Variants in NET1 observed in about 807,000 individuals in gnomAD.
NET1 encodes neuroepithelial cell-transforming gene 1 protein.
NET1 carries 42 observed loss-of-function variants against 61.1 expected under a neutral mutation model. The observed-to-expected ratio is 0.69, with a 90% CI of 0.54 to 0.89. The LOEUF (loss-of-function observed/expected upper bound fraction) is 0.89, where lower values mean the gene tolerates loss of function less well. NET1 is among the 40% of genes least tolerant of loss of function. The pLI is 0.00. For synonymous variants in NET1, 254 were observed against 281.8 expected (o/e 0.90, Z 0.99); for missense variants, 654 against 747.3 (o/e 0.88, Z 1.46).
intron 3 of NET1, among the ~76,000 whole-genome samples, chr10:5,442,877 T>TA (rs11377037): frequency 0.96 from 135,752 of 141,728 alleles, 65,083 homozygotes; most frequent in Non-Finnish European, 0.99. Context: ...ACCCTGTCTT[T>TA]AAAAAAAAAA....
Position 5,436,223 on chromosome 10 carries a change from TGC to T in NET1, c.255+6995_255+6996del, listed in dbSNP as rs1437600000. On this transcript the variant is annotated intron_variant, in intron 3 of 11. Transcript: ENST00000355029. ...GTGTGTGTGTGTGTGTGTGTGTGTG[TGC>T]ATATATATATATATATATATATATT... Among the ~76,000 whole-genome samples the T allele has an allele frequency of 9.5e-3, 592 of 62,008 alleles. 12 individuals are homozygous for T. Among genetic ancestry groups the T allele is most frequent in the Non-Finnish European group, 0.012 (377 of 32,416 alleles). 40.7% of individuals were successfully genotyped at this position (62,008 alleles called of 152,430 possible). A position where few individuals can be genotyped will look rare whatever the true frequency, so the allele number is the denominator to read the frequency against.
chr10:5,452,616 C>A lies in NET1; in HGVS notation c.531+91C>A. On this transcript the variant is annotated intron_variant, in intron 5 of 11. Transcript: ENST00000355029. This position sits in a 1 kb window ranked among gnomAD's most constrained non-coding sequence, Gnocchi z 4.0. ...AACTTGGATTTTTGTGTTTGAGCAA[C>A]AATTCCTAATACATGGTGAACAAAA... The A allele has an allele frequency of 7.5e-7, 1 of 1,329,336 alleles. No homozygotes were observed. Among genetic ancestry groups the A allele is most frequent in the Non-Finnish European group, 1.0e-6 (1 of 960,482 alleles). The allele number at this position is 1,329,336 out of a possible 1,614,324, so 82.3% of individuals were successfully genotyped here.
chr10:5,433,189 C>T (rs1264444988), intron 3 of NET1, among the ~76,000 whole-genome samples: 2 of 152,142 alleles, frequency 1.3e-5, no homozygotes. Context: ...AGTCTTAGTT[C>T]TACTGGTAAA....
At position 5,449,722 on chromosome 10, in the gene NET1, A is replaced by G. The variant is rs1034872825; in HGVS notation, c.256-2108A>G. Among the ~76,000 whole-genome samples the G allele has an allele frequency of 2.6e-5, 4 of 152,222 alleles. No homozygotes were observed. The highest frequency in any genetic ancestry group is 9.6e-5 in the African/African-American group (4 of 41,462). On this transcript the variant is annotated intron_variant, in intron 3 of 11. Coordinates refer to ENST00000355029, the MANE Select transcript of NET1 (RefSeq NM_001047160.3). The surrounding 1 kb of genome is among the most constrained non-coding windows in gnomAD (Gnocchi z 4.4). Reference sequence around the variant, plus strand: ...TAAAGATAATAAATTTTTATCATTAATTTGATTTTATGTGATAAAATAGAT... The same window carrying G: ...TAAAGATAATAAATTTTTATCATTAGTTTGATTTTATGTGATAAAATAGAT...
chr10:5,441,620 T>C lies in NET1; in HGVS notation c.256-10210T>C, dbSNP rs1391510215. Among the ~76,000 whole-genome samples, 2 of 152,246 alleles carry C rather than the reference T, an allele frequency of 1.3e-5. No homozygotes were observed. Among genetic ancestry groups the C allele is most frequent in the Admixed American group, 6.5e-5 (1 of 15,286 alleles). On this transcript the variant is annotated intron_variant, in intron 3 of 11. Transcript: ENST00000355029. The surrounding 1 kb of genome is among the most constrained non-coding windows in gnomAD (Gnocchi z 4.6). ...GTGTTGTCATCGCACAAAAGAACCA[T>C]TGTTTTGACAATACCAAACTTATTA...
At position 5,423,655 on chromosome 10, in the gene NET1, G is replaced by A. The variant is rs528935808; in HGVS notation, c.129-3000G>A. 4.5e-4 allele frequency among the ~76,000 whole-genome samples: 68 copies of A among 152,180 alleles called. No homozygotes were observed. Among genetic ancestry groups the A allele is most frequent in the African/African-American group, 1.6e-3 (65 of 41,526 alleles). ...TTGAAAAGGTGGACTGCCACTTTTC[G>A]CTCTACATTTCATCCTTTAAGCCCT... On this transcript the variant is annotated intron_variant, in intron 1 of 11. Coordinates refer to ENST00000355029, the MANE Select transcript of NET1 (RefSeq NM_001047160.3). This position sits in a 1 kb window ranked among gnomAD's most constrained non-coding sequence, Gnocchi z 4.4.
chr10:5,452,838 T>C lies in NET1; in HGVS notation c.532-20T>C. 1 of 1,608,158 alleles carries C rather than the reference T, an allele frequency of 6.2e-7. No individual in the cohort carries two copies. The highest frequency in any genetic ancestry group is 1.3e-5 in the African/African-American group (1 of 74,846). On this transcript the variant is annotated intron_variant, in intron 5 of 11. Coordinates refer to ENST00000355029, the MANE Select transcript of NET1 (RefSeq NM_001047160.3). The surrounding 1 kb of genome is among the most constrained non-coding windows in gnomAD (Gnocchi z 4.0). ...CCTTTCTCGAAGGAATGACCTCTGA[T>C]GTTTGCTGGATGTTTTTAGGCAATA...
chr10:5,450,882 ATAT>A (rs1832692593), intron 3 of NET1, among the ~76,000 whole-genome samples: 1 of 152,218 alleles, frequency 6.6e-6, no homozygotes, highest in Non-Finnish European at 1.5e-5. Context: ...TGTGTTTGCT[ATAT>A]TATTATTTAA....
chr10:5,414,347 T>TA (rs1188606159), intron 1 of NET1, among the ~76,000 whole-genome samples: 6 of 152,330 alleles, frequency 3.9e-5, no homozygotes, highest in Admixed American at 2.0e-4. Flanking sequence ...ATTTGCATTT[T>TA]AAAAGATCAG....
In NET1 at chr10:5,440,173, A is replaced by G. The variant is rs777054727; in HGVS notation, c.255+10944A>G. 1.3e-5 allele frequency among the ~76,000 whole-genome samples: 2 copies of G among 152,262 alleles called. No homozygotes were observed. The highest frequency in any genetic ancestry group is 2.9e-5 in the Non-Finnish European group (2 of 68,044). On this transcript the variant is annotated intron_variant, in intron 3 of 11. Transcript: ENST00000355029. The surrounding 1 kb of genome is among the most constrained non-coding windows in gnomAD (Gnocchi z 4.1). ...AATGTTATTAATACAGTGGGCCTGT[A>G]TGATGTTCTGTGAAATATCCGGTCC... is the stretch of plus-strand genomic sequence containing the variant.
rs4881454 is a variant in NET1, at chr10:5,458,757, A to G, written c.*1763A>G. Among the ~76,000 whole-genome samples the G allele has an allele frequency of 6.5e-3, 986 of 152,296 alleles. 37 individuals carry two copies. The East Asian group carries it at 0.11, about 16-fold the overall frequency. ...GGATCCTGATTAATTTCAGATTTTAATGTAAGTACCTCAGGTTCTTGTCTT... is the reference window on the plus strand; with the variant it reads ...GGATCCTGATTAATTTCAGATTTTAGTGTAAGTACCTCAGGTTCTTGTCTT... On this transcript the variant is annotated 3_prime_UTR_variant, in exon 12 of 12. Coordinates refer to ENST00000355029, the MANE Select transcript of NET1 (RefSeq NM_001047160.3). This position sits in a 1 kb window ranked among gnomAD's most constrained non-coding sequence, Gnocchi z 4.5.
Position 5,455,135 on chromosome 10 carries a change from G to C in NET1, c.1197+17G>C, listed in dbSNP as rs769637903. 3 of 1,611,394 alleles carry C rather than the reference G, an allele frequency of 1.9e-6. No individual in the cohort carries two copies. In the Admixed American group the frequency reaches 5.0e-5, roughly 27 times the overall value. ...AGTGGACATGTAGGTGACTTTTGCT[G>C]CCGTGGCAGAGCAGCCTTCCCTCCT... On this transcript the variant is annotated intron_variant, in intron 10 of 11. Transcript: ENST00000355029. This position sits in a 1 kb window ranked among gnomAD's most constrained non-coding sequence, Gnocchi z 6.5.
rs1832263826 is a variant in NET1 at position 5,426,714 on chromosome 10, T to A, written c.188T>A (p.Phe63Tyr). ...TTAACACCTGGCCCCAACTGGGACT[T>A]CACTTTGGTGAGTAGATACCTGGGT... Reference protein sequence around the residue: ...TFLTPGPNWDFTLKRKRREKD... With the variant: ...TFLTPGPNWDYTLKRKRREKD... The change falls in exon 2 of 12, where the codon TTC becomes TAC. Residue 63 changes from phenylalanine to tyrosine, a missense_variant. Physicochemically the swap from Phe to Tyr is conservative, Grantham distance 22 (BLOSUM62 3). Transcript: ENST00000355029. The surrounding 1 kb of genome is among the most constrained non-coding windows in gnomAD (Gnocchi z 4.6). The A allele has an allele frequency of 8.7e-6, 14 of 1,601,890 alleles. No homozygotes were observed. Among genetic ancestry groups the A allele is most frequent in the Non-Finnish European group, 1.2e-5 (14 of 1,175,152 alleles).
rs1832701946 is a variant in NET1 at position 5,451,501 on chromosome 10, GGC to G, written c.256-328_256-327del. 1.3e-5 allele frequency among the ~76,000 whole-genome samples: 1 copy of G among 77,788 alleles called. No individual in the cohort carries two copies. Among genetic ancestry groups the G allele is most frequent in the South Asian group, 3.7e-4 (1 of 2,718 alleles). 51.0% of individuals were successfully genotyped at this position (77,788 alleles called of 152,430 possible). On this transcript the variant is annotated intron_variant, in intron 3 of 11. Transcript: ENST00000355029. This position sits in a 1 kb window ranked among gnomAD's most constrained non-coding sequence, Gnocchi z 6.1. ...TGTTCGAAAATTTTCATAACAATAA[GGC>G]TTTTTTTTAAAAAAAAAAAAAGTTA...
At chr10:5,450,060 C>T (rs1010285522) in intron 3 of NET1, among the ~76,000 whole-genome samples, 2 of 108,122 alleles carry the variant, frequency 1.8e-5, no homozygotes, top group South Asian at 2.6e-4. Flanking sequence ...CCTGCACACG[C>T]GTGTGTCAGT....
rs1832281125 is a variant in NET1, at chr10:5,427,824, T to C, written c.195+1103T>C. Among the ~76,000 whole-genome samples the C allele has an allele frequency of 6.6e-6, 1 of 152,218 alleles. No homozygotes were observed. The highest frequency in any genetic ancestry group is 1.5e-5 in the Non-Finnish European group (1 of 68,040). On this transcript the variant is annotated intron_variant, in intron 2 of 11. Coordinates refer to ENST00000355029, the MANE Select transcript of NET1 (RefSeq NM_001047160.3). The surrounding 1 kb of genome is among the most constrained non-coding windows in gnomAD (Gnocchi z 4.1). ...AGGGGATAGATTCTGTTCCTTGTTT[T>C]CTTTTTTCATAGAATGATATTGTGT...
At position 5,453,327 on chromosome 10, in the gene NET1, T is replaced by C. The variant is rs1832738949; in HGVS notation, c.672T>C (p.Ser224=). Residue 224 remains serine, a synonymous_variant, in exon 7 of 12, where the codon TCT becomes TCC. Transcript: ENST00000355029. This position sits in a 1 kb window ranked among gnomAD's most constrained non-coding sequence, Gnocchi z 4.9. ...ELTHIFGDLD[S]YIPLHEDLLT... is the part of the protein sequence containing the mutation. ...CACATATATTTGGTGATCTGGACTC[T>C]TACATACCTCTGCATGAAGGTTAGA... 2 of 1,610,870 alleles carry C rather than the reference T, an allele frequency of 1.2e-6. No individual in the cohort carries two copies. Among genetic ancestry groups the C allele is most frequent in the South Asian group, 2.2e-5 (2 of 91,016 alleles).
chr10:5,419,174 A>G (rs903271947), intron 1 of NET1, among the ~76,000 whole-genome samples: 1 of 151,996 alleles, frequency 6.6e-6, no homozygotes, highest in Non-Finnish European at 1.5e-5. Context: ...ATTTTGTTTG[A>G]TGTTAATATA....
chr10:5,419,450 G>A (rs959159509), intron 1 of NET1, among the ~76,000 whole-genome samples: 1 of 152,042 alleles, frequency 6.6e-6, no homozygotes, highest in African/African-American at 2.4e-5. Context: ...ATTTTGTCGT[G>A]TTATATATGT....
Sources: allele counts gnomAD v4.1 joint callset (sites outside exome capture counted in the v4.1 genomes callset), GRCh38; gene constraint gnomAD v4.1.1; non-coding constraint Gnocchi (gnomAD v3.1); transcripts MANE v1.5; gene names NCBI Gene and HGNC (gene_info 2026-07-23, HGNC 2026-07-21).